The following ECM2 variants were observed in gnomAD, a reference collection of about 807,000 sequenced individuals.
ECM2 encodes the protein extracellular matrix protein 2, female organ and adipocyte specific.
A neutral mutation model predicts 67.5 loss-of-function variants in ECM2; 57 were observed. The ratio of observed to expected loss-of-function variants is 0.84; its 90% confidence interval spans 0.68 to 1.05. ECM2 has a LOEUF of 1.05. ECM2 is among the 50% of genes least tolerant of loss of function. ECM2 has a pLI of 0.00. For synonymous variants in ECM2, 258 were observed against 294.5 expected (o/e 0.88, Z 1.27); for missense variants, 741 against 822.8 (o/e 0.90, Z 1.22).
chr9:92,524,034 C>T (rs150485454), intron 1 of ECM2, among the ~76,000 whole-genome samples: 16 of 152,302 alleles, frequency 1.1e-4, no homozygotes, highest in East Asian at 9.7e-4. Context: ...TCAGACATGG[C>T]CCCCTCTCTG....
chr9:92,521,679 T>C (rs1403619943), intron 2 of ECM2, among the ~76,000 whole-genome samples: 1 of 152,212 alleles, frequency 6.6e-6, no homozygotes, highest in Non-Finnish European at 1.5e-5. Context: ...AAATGCCTAA[T>C]TGAAATCTTT....
rs560109698 is a variant in ECM2, at chr9:92,501,948, A to G, written c.1604+565T>C. On this transcript the variant is annotated intron_variant, in intron 8 of 9. Transcript: ENST00000344604. The stretch of plus-strand genomic sequence containing the variant: ...ACTTTTGGCCTGCACTGTTAGGCCA[A>G]GCATTCTTCAGTCTATTTTGTAAGA... Among the ~76,000 whole-genome samples, 117 of 152,376 alleles carry G rather than the reference A, an allele frequency of 7.7e-4. 1 individual carries two copies. The highest frequency in any genetic ancestry group is 2.2e-3 in the Admixed American group (33 of 15,308).
At chr9:92,525,518 C>A (rs1468854669) in intron 1 of ECM2, among the ~76,000 whole-genome samples, 1 of 152,166 alleles carries the variant, frequency 6.6e-6, no homozygotes, top group Non-Finnish European at 1.5e-5. Flanking sequence ...GACGTCACAG[C>A]ATCATAGCAT....
At chr9:92,548,269 C>A in the ECM2 span, among the ~76,000 whole-genome samples, 1 of 152,160 alleles carries the variant, frequency 6.6e-6, no homozygotes, top group East Asian at 1.9e-4. Context: ...GGTACTTTCT[C>A]TGCTCAATGG....
intron 1 of ECM2, among the ~76,000 whole-genome samples, chr9:92,532,499 A>G (rs141587485): frequency 9.1e-4 from 139 of 152,042 alleles, no homozygotes; most frequent in African/African-American, 3.1e-3. Context: ...TGTGTCTTTA[A>G]TGTCACTTTC....
chr9:92,501,122 A>G (rs1846647321), intron 8 of ECM2, 69 bp from the exon 9 acceptor site: 2 of 1,494,528 alleles, frequency 1.3e-6, no homozygotes, highest in Non-Finnish European at 1.8e-6. Flanking sequence ...AAATTTTGAT[A>G]AGGCCAGTCT....
At chr9:92,500,662 G>C in intron 9 of ECM2, 65 bp downstream of exon 9, 1 of 1,462,410 alleles carries the variant, frequency 6.8e-7, no homozygotes, top group South Asian at 1.3e-5. Flanking sequence ...ATCATGTCAT[G>C]GTTGTTTTAT....
chr9:92,523,689 G>A (rs1848213739), intron 1 of ECM2, among the ~76,000 whole-genome samples: 1 of 152,222 alleles, frequency 6.6e-6, no homozygotes, highest in Non-Finnish European at 1.5e-5. Flanking sequence ...TGCTTAAACA[G>A]CATATCTTTA....
chr9:92,530,055 A>G (rs772838325), intron 1 of ECM2, among the ~76,000 whole-genome samples: 35 of 152,270 alleles, frequency 2.3e-4, no homozygotes, highest in Non-Finnish European at 4.6e-4. Flanking sequence ...TAATCTAGAG[A>G]TTATTTAAAG....
At chr9:92,526,952 A>G (rs1013742589) in intron 1 of ECM2, among the ~76,000 whole-genome samples, 1 of 152,066 alleles carries the variant, frequency 6.6e-6, no homozygotes, top group South Asian at 2.1e-4. Context: ...CATTTTTTAA[A>G]TTATTTTAGA....
the ECM2 span, among the ~76,000 whole-genome samples, chr9:92,548,506 C>G: frequency 1.3e-5 from 2 of 152,026 alleles, no homozygotes; most frequent in African/African-American, 4.8e-5. Flanking sequence ...TTCTACAACA[C>G]AAATGTAGTA....
chr9:92,552,823 C>T, the ECM2 span, among the ~76,000 whole-genome samples: 7 of 151,982 alleles, frequency 4.6e-5, no homozygotes, highest in African/African-American at 1.2e-4. Flanking sequence ...TTCCTTTTGC[C>T]GTGCAAAAGC....
At chr9:92,500,706 C>T (rs1187351602) in intron 9 of ECM2, 21 bp downstream of exon 9, 2 of 1,590,760 alleles carry the variant, frequency 1.3e-6, no homozygotes, top group Admixed American at 1.7e-5. Flanking sequence ...TAAACAGATA[C>T]TTGAAAAAGC....
At chr9:92,537,302 AT>A (rs1294287550), upstream of ECM2, among the ~76,000 whole-genome samples, 2 of 152,222 alleles carry the variant, frequency 1.3e-5, no homozygotes, top group Non-Finnish European at 2.9e-5. Context: ...CTGAATCAAG[AT>A]AAGGGACTAA....
rs1386852009 is a variant in ECM2 at position 92,517,824 on chromosome 9, A to G, written c.344T>C (p.Val115Ala). 5 of 1,614,164 alleles carry G rather than the reference A, an allele frequency of 3.1e-6. No homozygotes were observed. In the Middle Eastern group the frequency reaches 4.9e-4, roughly 160 times the overall value. Residue 115 changes from valine (V) to alanine (A), a missense_variant, in exon 3 of 10, where the codon GTG becomes GCG. Transcript: ENST00000344604. Reference sequence around the variant, plus strand: ...GGTAGTGCAGGGCTCAGGCGACCACACAGCTTTGTTGTACATGGTTATGCC... The same window carrying G: ...GGTAGTGCAGGGCTCAGGCGACCACGCAGCTTTGTTGTACATGGTTATGCC... ...VKGITMYNKA[V>A]WSPEPCTTCL...
upstream of ECM2, among the ~76,000 whole-genome samples, chr9:92,541,102 A>T (rs1849308119): frequency 6.6e-6 from 1 of 151,884 alleles, no homozygotes; most frequent in East Asian, 2.0e-4. Flanking sequence ...TCTACTAAAA[A>T]AACAAAATTA....
In ECM2 at chr9:92,495,584, G is replaced by A; in HGVS notation, c.*731C>T. ...TAATCTTGAGTGAGGAATAGTGAAG[G>A]TAATCTTAATATACTGTTTAACTTT... On this transcript the variant is annotated 3_prime_UTR_variant, in exon 10 of 10. Transcript: ENST00000344604. 2 of 978,276 alleles carry A rather than the reference G, an allele frequency of 2.0e-6. No individual in the cohort carries two copies. Among genetic ancestry groups the A allele is most frequent in the Non-Finnish European group, 2.4e-6 (2 of 823,528 alleles). 60.6% of individuals were successfully genotyped at this position (978,276 alleles called of 1,614,324 possible).
rs373120067 is a variant in ECM2 at position 92,499,429 on chromosome 9, T to C, written c.1931+1298A>G. Among the ~76,000 whole-genome samples the C allele has an allele frequency of 1.1e-4, 17 of 152,206 alleles. No homozygotes were observed. In the East Asian group the frequency reaches 2.7e-3, roughly 24 times the overall value. On this transcript the variant is annotated intron_variant, in intron 9 of 9. Transcript: ENST00000344604. ...GCATGGCAAAAATAGAAATTCATCATTTTGTTACCTCTAATGAAATAAGAA... is the reference window on the plus strand; with the variant it reads ...GCATGGCAAAAATAGAAATTCATCACTTTGTTACCTCTAATGAAATAAGAA...
At chr9:92,533,328 A>AAAAAAAAAAAATATATAT (rs1554683138) in intron 1 of ECM2, among the ~76,000 whole-genome samples, 4 of 38,338 alleles carry the variant, frequency 1.0e-4, no homozygotes, top group Non-Finnish European at 8.5e-5. Flanking sequence ...AAAAAAAAAA[A>AAAAAAAAAAAATATATAT]ATATATATAT....
Sources: allele counts gnomAD v4.1 joint callset (sites outside exome capture counted in the v4.1 genomes callset), GRCh38; gene constraint gnomAD v4.1.1; transcripts MANE v1.5; gene names NCBI Gene and HGNC (gene_info 2026-07-23, HGNC 2026-07-21).